Variants in ZFHX3 observed in about 807,000 individuals in gnomAD.
The protein encoded by ZFHX3 is zinc finger homeobox 3, also known as zinc finger homeobox protein 3.
In ZFHX3, 42 loss-of-function variants were observed where a neutral mutation model predicts 279.1. The ratio of observed to expected loss-of-function variants is 0.15; its 90% CI spans 0.12 to 0.19. The LOEUF (loss-of-function observed/expected upper bound fraction) is 0.19, where lower values mean the gene tolerates loss of function less well. Among genes scored for constraint, ZFHX3 ranks in the 10% least tolerant of loss-of-function variants. The pLI, the probability that ZFHX3 is intolerant of heterozygous loss-of-function variation, is 1.00. For missense variants in ZFHX3, 4,981 were observed against 4,754.0 expected (o/e 1.05, Z -1.40); for synonymous variants, 2,293 against 1,957.8 (o/e 1.17, Z -4.52).
chr16:73,394,530 C>G (rs2017088628), intron 3 of ZFHX3, among the ~76,000 whole-genome samples: 1 of 152,164 alleles, frequency 6.6e-6, no homozygotes, highest in Non-Finnish European at 1.5e-5. Context: ...CTCTTAGCCA[C>G]AAGTGATCCG....
chr16:73,379,039 T>G (rs1302359824), intron 3 of ZFHX3, among the ~76,000 whole-genome samples: 1 of 152,180 alleles, frequency 6.6e-6, no homozygotes. Context: ...GAACTCAGTG[T>G]GTGGATGATT....
intron 5 of ZFHX3, among the ~76,000 whole-genome samples, chr16:73,245,183 T>G (rs2013242210): frequency 6.6e-6 from 1 of 152,216 alleles, no homozygotes; most frequent in African/African-American, 2.4e-5. Context: ...ATTGTTGATT[T>G]ACTCATCTGT....
At chr16:73,259,542 T>A (rs945623927) in intron 4 of ZFHX3, among the ~76,000 whole-genome samples, 3 of 152,240 alleles carry the variant, frequency 2.0e-5, no homozygotes, top group African/African-American at 7.2e-5. Context: ...AATATACGAA[T>A]GCATTTTGTA....
intron 1 of ZFHX3, among the ~76,000 whole-genome samples, chr16:73,030,825 C>T (rs747567805): frequency 1.1e-4 from 16 of 152,176 alleles, no homozygotes; most frequent in Non-Finnish European, 1.9e-4. Flanking sequence ...CTCAGGGATT[C>T]CATTTTCCAT....
chr16:73,293,913 G>A (rs889270781), intron 4 of ZFHX3: 3 of 128,882 alleles, frequency 2.3e-5, no homozygotes, highest in South Asian at 2.6e-4. Context: ...TGTTTCATCC[G>A]TTTTACTTTG....
At chr16:73,243,770 A>G (rs1051293729) in intron 5 of ZFHX3, among the ~76,000 whole-genome samples, 2 of 151,338 alleles carry the variant, frequency 1.3e-5, no homozygotes, top group Admixed American at 6.6e-5. Flanking sequence ...GTGTGTGTAT[A>G]GTCTGTTCAG....
intron 4 of ZFHX3, among the ~76,000 whole-genome samples, chr16:72,839,757 T>TG (rs978582243): frequency 1.2e-4 from 18 of 151,666 alleles, no homozygotes; most frequent in African/African-American, 4.4e-4. Flanking sequence ...TGGTCAGAAT[T>TG]GGGGGTTCAT....
chr16:73,034,875 G>A (rs1350861796), intron 1 of ZFHX3, among the ~76,000 whole-genome samples: 1 of 152,222 alleles, frequency 6.6e-6, no homozygotes, highest in African/African-American at 2.4e-5. Context: ...TCATGAGCAT[G>A]TCGGGGGAGC....
intron 8 of ZFHX3, among the ~76,000 whole-genome samples, chr16:73,083,021 T>TAA (rs71156139): frequency 0.011 from 1,502 of 131,908 alleles, 23 homozygotes; most frequent in African/African-American, 0.043. Context: ...CCATCTCTAC[T>TAA]AAAAAAAAAA....
intron 1 of ZFHX3, among the ~76,000 whole-genome samples, chr16:73,753,199 G>C (rs1357916855): frequency 6.6e-6 from 1 of 152,150 alleles, no homozygotes; most frequent in Non-Finnish European, 1.5e-5. Flanking sequence ...GTGAGTTTGA[G>C]GTAGAAGGCT....
At chr16:72,859,959 AAGG>A (rs971487403) in intron 4 of ZFHX3, among the ~76,000 whole-genome samples, 7 of 152,198 alleles carry the variant, frequency 4.6e-5, no homozygotes, top group Non-Finnish European at 7.4e-5. Context: ...CAATGAAAAC[AAGG>A]AGAAGAGAAG....
intron 4 of ZFHX3, among the ~76,000 whole-genome samples, chr16:73,299,564 G>A (rs2015004098): frequency 6.6e-6 from 1 of 152,162 alleles, no homozygotes; most frequent in Non-Finnish European, 1.5e-5. Context: ...ATGAGGGGCA[G>A]GCCTGAGTCT....
intron 1 of ZFHX3, among the ~76,000 whole-genome samples, chr16:73,866,709 G>A (rs1362569644): frequency 6.6e-6 from 1 of 152,210 alleles, no homozygotes; most frequent in Non-Finnish European, 1.5e-5. Context: ...GCTTCCCTCA[G>A]AAACCGGATT....
At chr16:73,860,523 G>A (rs1303042217) in intron 1 of ZFHX3, among the ~76,000 whole-genome samples, 5 of 152,086 alleles carry the variant, frequency 3.3e-5, no homozygotes, top group Middle Eastern at 3.4e-3. Flanking sequence ...TCTCCAACAT[G>A]TGTTTTCAAT....
chr16:73,888,091 C>T (rs1319706877), intron 1 of ZFHX3, among the ~76,000 whole-genome samples: 1 of 152,152 alleles, frequency 6.6e-6, no homozygotes, highest in Non-Finnish European at 1.5e-5. Context: ...GTCTTCCTCT[C>T]CCTACCGCAA....
chr16:73,505,436 A>G (rs1253492020), intron 2 of ZFHX3, among the ~76,000 whole-genome samples: 1 of 151,972 alleles, frequency 6.6e-6, no homozygotes, highest in African/African-American at 2.4e-5. Flanking sequence ...ATGATGAACC[A>G]TCCTGCCTGG....
chr16:73,321,874 A>G (rs912486314), intron 3 of ZFHX3, among the ~76,000 whole-genome samples: 1 of 152,250 alleles, frequency 6.6e-6, no homozygotes, highest in African/African-American at 2.4e-5. Flanking sequence ...AGATTGAGAG[A>G]GAAAGAGGGA....
At chr16:73,111,918 A>G (rs1025459637) in intron 7 of ZFHX3, among the ~76,000 whole-genome samples, 3 of 152,160 alleles carry the variant, frequency 2.0e-5, no homozygotes, top group Non-Finnish European at 2.9e-5. Flanking sequence ...TAAGTTCTCA[A>G]GGAACCTGGA....
intron 2 of ZFHX3, among the ~76,000 whole-genome samples, chr16:73,621,125 A>G (rs2052356953): frequency 6.6e-6 from 1 of 152,202 alleles, no homozygotes; most frequent in Non-Finnish European, 1.5e-5. Context: ...GAAGTTAGAA[A>G]GGGAATCCTA....
Sources: gnomAD v4.1 joint callset for allele counts (sites outside exome capture counted in the v4.1 genomes callset) on GRCh38, gnomAD v4.1.1 for gene constraint, MANE v1.5 for transcripts, NCBI Gene and HGNC (gene_info 2026-07-23, HGNC 2026-07-21) for gene names.